SUGCT: variants seen among roughly 807,000 people sequenced by gnomAD.
SUGCT encodes succinyl-CoA:glutarate CoA-transferase.
A neutral mutation model predicts 55.0 loss-of-function variants in SUGCT; 41 were observed. The ratio of observed to expected loss-of-function variants is 0.74; its 90% CI spans 0.58 to 0.97. The LOEUF (loss-of-function observed/expected upper bound fraction) is 0.97, where lower values mean the gene tolerates loss of function less well. Ranked by LOEUF, SUGCT falls within the 50% of genes least tolerant of loss-of-function variation. SUGCT has a pLI of 0.00. For missense variants in SUGCT, 568 were observed against 547.8 expected (o/e 1.04, Z -0.37); for synonymous variants, 187 against 200.4 (o/e 0.93, Z 0.56).
At chr7:40,249,343 A>ATATATATATATATATATG (rs1790187316) in intron 7 of SUGCT, among the ~76,000 whole-genome samples, 1 of 124,106 alleles carries the variant, frequency 8.1e-6, no homozygotes, top group African/African-American at 3.0e-5. Context: ...ATATATATAT[A>ATATATATATATATATATG]TATAATTATA....
At chr7:40,393,126 A>G (rs546018887) in intron 9 of SUGCT, among the ~76,000 whole-genome samples, 3 of 152,166 alleles carry the variant, frequency 2.0e-5, no homozygotes, top group South Asian at 4.1e-4. Flanking sequence ...GGTAGGTGCT[A>G]TTATTACAGT....
intron 7 of SUGCT, among the ~76,000 whole-genome samples, chr7:40,249,312 G>GCTATCTATCTATATATAT (rs1421104147): frequency 1.3e-3 from 29 of 22,196 alleles, no homozygotes; most frequent in African/African-American, 6.0e-3. Context: ...ACACCAAAAA[G>GCTATCTATCTATATATAT]CTATATATAT....
intron 9 of SUGCT, among the ~76,000 whole-genome samples, chr7:40,321,184 T>TC (rs1481538124): frequency 6.7e-6 from 1 of 150,360 alleles, no homozygotes; most frequent in South Asian, 2.1e-4. Context: ...CAAGTGATTC[T>TC]CCCCCCTCGG....
chr7:40,846,751 T>C (rs955775367), intron 13 of SUGCT, among the ~76,000 whole-genome samples: 2 of 152,210 alleles, frequency 1.3e-5, no homozygotes, highest in Non-Finnish European at 2.9e-5. Flanking sequence ...TCTTCCACAT[T>C]ATGCAGGGAG....
intron 7 of SUGCT, among the ~76,000 whole-genome samples, chr7:40,259,609 T>C (rs547073090): frequency 2.6e-5 from 4 of 152,324 alleles, no homozygotes; most frequent in Non-Finnish European, 5.9e-5. Context: ...AAAGTGATGG[T>C]GCAGCATCAC....
At chr7:40,800,029 A>G (rs1369020870) in intron 13 of SUGCT, among the ~76,000 whole-genome samples, 1 of 152,182 alleles carries the variant, frequency 6.6e-6, no homozygotes, top group African/African-American at 2.4e-5. Flanking sequence ...CTGGAAAATG[A>G]CACTGTGCTC....
At chr7:40,778,711 AC>A (rs1789583607) in intron 13 of SUGCT, among the ~76,000 whole-genome samples, 1 of 152,194 alleles carries the variant, frequency 6.6e-6, no homozygotes, top group African/African-American at 2.4e-5. Flanking sequence ...CGTAAAACTT[AC>A]ACCTTTCTTA....
At chr7:40,617,031 A>G (rs192664795) in intron 12 of SUGCT, among the ~76,000 whole-genome samples, 349 of 152,378 alleles carry the variant, frequency 2.3e-3, no homozygotes, top group African/African-American at 7.7e-3. Flanking sequence ...CCACAAGGCA[A>G]ATAAGTTTTG....
intron 6 of SUGCT, among the ~76,000 whole-genome samples, chr7:40,231,625 A>C (rs4723936): frequency 6.6e-6 from 1 of 151,886 alleles, no homozygotes; most frequent in Admixed American, 6.6e-5. Context: ...ACTAAAAACA[A>C]TATCAGGGCC....
At chr7:40,771,148 C>A (rs1238024177) in intron 13 of SUGCT, among the ~76,000 whole-genome samples, 1 of 152,094 alleles carries the variant, frequency 6.6e-6, no homozygotes, top group Admixed American at 6.6e-5. Flanking sequence ...ACAAATGTAG[C>A]TGTGTGTGTA....
At chr7:40,162,195 C>T (rs770472849) in intron 1 of SUGCT, among the ~76,000 whole-genome samples, 6 of 151,974 alleles carry the variant, frequency 3.9e-5, no homozygotes, top group Non-Finnish European at 7.4e-5. Context: ...CGCGCCCGGC[C>T]GTGAAGTGAT....
chr7:40,424,768 TTATTTAACAGTTG>T (rs1367354337), intron 9 of SUGCT, among the ~76,000 whole-genome samples: 1 of 152,296 alleles, frequency 6.6e-6, no homozygotes, highest in East Asian at 1.9e-4. Context: ...TCCTGGTTTC[TTATTTAACAGTTG>T]TTCAACTAAG....
intron 12 of SUGCT, among the ~76,000 whole-genome samples, chr7:40,636,815 C>A (rs1279591915): frequency 1.4e-5 from 2 of 142,642 alleles, no homozygotes; most frequent in East Asian, 3.9e-4. Context: ...TTGTCTGCAT[C>A]CATTCTAATT....
intron 1 of SUGCT, among the ~76,000 whole-genome samples, chr7:40,179,595 C>G (rs2150703348): frequency 6.6e-6 from 1 of 152,258 alleles, no homozygotes; most frequent in East Asian, 1.9e-4. Context: ...TTGGGCAGTT[C>G]TTTTGCTGGA....
intron 8 of SUGCT, among the ~76,000 whole-genome samples, chr7:40,281,829 GT>G (rs1171468163): frequency 4.0e-5 from 3 of 75,424 alleles, no homozygotes; most frequent in East Asian, 6.6e-4. Context: ...TGTTTTAGAT[GT>G]TTTTTTGGAG....
chr7:40,377,232 TCCCTTCCTTCCTTCCTTCTTTC>T lies in SUGCT; in HGVS notation c.816+60378_816+60399del, dbSNP rs1562729135. On this transcript the variant is annotated intron_variant, in intron 9 of 13. Coordinates refer to ENST00000335693, the MANE Select transcript of SUGCT (RefSeq NM_001193313.2). ...TCTTTTCTTTCTTTTCTTTCTTTCT[TCCCTTCCTTCCTTCCTTCTTTC>T]TTTTTTGAGACCTAGTCTCACTCTA... Among the ~76,000 whole-genome samples, 187 of 15,554 alleles carry T rather than the reference TCCCTTCCTTCCTTCCTTCTTTC, an allele frequency of 0.012. 77 individuals carry two copies. In the East Asian group the frequency reaches 0.23, roughly 19 times the overall value. The allele number at this position is 15,554 out of a possible 152,430, so 10.2% of individuals were successfully genotyped here.
chr7:40,332,903 A>G (rs919242965), intron 9 of SUGCT, among the ~76,000 whole-genome samples: 2 of 152,176 alleles, frequency 1.3e-5, no homozygotes, highest in African/African-American at 4.8e-5. Context: ...ACAGGAGAAG[A>G]GGATTTAGTG....
chr7:40,727,129 C>T (rs1468096963), intron 12 of SUGCT, among the ~76,000 whole-genome samples: 1 of 152,160 alleles, frequency 6.6e-6, no homozygotes, highest in South Asian at 2.1e-4. Flanking sequence ...TACTTTTTCT[C>T]TATACAAGGA....
At chr7:40,361,392 G>A (rs1329504363) in intron 9 of SUGCT, among the ~76,000 whole-genome samples, 1 of 151,908 alleles carries the variant, frequency 6.6e-6, no homozygotes, top group Non-Finnish European at 1.5e-5. Flanking sequence ...GGCTAACATG[G>A]TGAACTCCTG....
Sources: gnomAD v4.1 joint callset for allele counts (sites outside exome capture counted in the v4.1 genomes callset) on GRCh38, gnomAD v4.1.1 for gene constraint, MANE v1.5 for transcripts, NCBI Gene and HGNC (gene_info 2026-07-23, HGNC 2026-07-21) for gene names.